Variants in RPGR observed in about 807,000 individuals in gnomAD.
RPGR encodes retinitis pigmentosa GTPase regulator.
A neutral mutation model predicts 56.3 loss-of-function variants in RPGR; 10 were observed. That is an observed-to-expected ratio of 0.18 (90% CI 0.11 to 0.30). The LOEUF (loss-of-function observed/expected upper bound fraction) is 0.30, where lower values mean the gene tolerates loss of function less well. Ranked by LOEUF, RPGR falls within the 10% of genes least tolerant of loss-of-function variation. RPGR has a pLI of 1.00. For missense variants in RPGR, 538 were observed against 590.9 expected (o/e 0.91, Z 0.93); for synonymous variants, 197 against 212.9 (o/e 0.93, Z 0.65).
At chrX:38,327,217 C>T (rs2068065502) in intron 1 of RPGR, 123 bp downstream of exon 1, 3 of 705,471 alleles carry the variant, frequency 4.3e-6, no homozygotes, top group South Asian at 2.8e-5. Flanking sequence ...AACCAGCGAT[C>T]CCGCCCCAGT....
chrX:38,279,020 G>A, intron 15 of RPGR: 1 of 247,695 alleles, frequency 4.0e-6, no homozygotes, highest in Non-Finnish European at 7.5e-6. Flanking sequence ...AAGAACTTTT[G>A]GAACTATATC....
At chrX:38,326,472 G>A (rs1162551080) in intron 1 of RPGR, among the ~76,000 whole-genome samples, 2 of 111,841 alleles carry the variant, frequency 1.8e-5, no homozygotes, top group Non-Finnish European at 3.8e-5. Context: ...TGGAATCTAA[G>A]TGGATAGAAC....
At chrX:38,280,256 T>G (rs1351928200) in intron 15 of RPGR, among the ~76,000 whole-genome samples, 1 of 112,028 alleles carries the variant, frequency 8.9e-6, no homozygotes, top group Non-Finnish European at 1.9e-5. Context: ...TAAGATAGAA[T>G]TCTTAGTGTG....
Position 38,291,423 on chromosome X carries a change from G to C in RPGR, c.1476C>G (p.Ser492Arg). Residue 492 changes from serine (S) to arginine (R), a missense_variant, in exon 12 of 19, where the codon AGC (serine) becomes AGG (arginine). Ser to Arg is a moderately radical substitution (Grantham distance 110, BLOSUM62 -1). Coordinates refer to ENST00000642395, the MANE Select transcript of RPGR (RefSeq NM_000328.3). ...TTAAGATATCAGTAGTTTCTCCAAG[G>C]CTTTCTACAGTTGAAGAATTATCTA... is the stretch of plus-strand genomic sequence containing the variant. The C allele has an allele frequency of 2.6e-6, 3 of 1,162,834 alleles. No individual in the cohort carries two copies. Among genetic ancestry groups the C allele is most frequent in the Non-Finnish European group, 3.5e-6 (3 of 853,339 alleles).
At chrX:38,314,006 T>C (rs961273435) in intron 6 of RPGR, among the ~76,000 whole-genome samples, 2 of 111,568 alleles carry the variant, frequency 1.8e-5, no homozygotes, top group African/African-American at 3.3e-5. Context: ...ACTGGAAGAA[T>C]TGTCTTTGGT....
In RPGR at chrX:38,275,153, A is replaced by T. The variant is rs1303946668; in HGVS notation, c.2092-7T>A. The T allele has an allele frequency of 8.3e-7, 1 of 1,200,860 alleles. No individual in the cohort carries two copies. The highest frequency in any genetic ancestry group is 1.1e-6 in the Non-Finnish European group (1 of 885,886). ...CTAGGTTGGCTTTTTCTTTCTATAA[A>T]CAATAACAAAGCAATATAACAAAAA... On this transcript the variant is annotated splice_region_variant and splice_polypyrimidine_tract_variant and intron_variant, in intron 16 of 18. Coordinates refer to ENST00000642395, the MANE Select transcript of RPGR (RefSeq NM_000328.3).
At chrX:38,302,833 TGG>T (rs1359546618) in intron 8 of RPGR, among the ~76,000 whole-genome samples, 2 of 96,824 alleles carry the variant, frequency 2.1e-5, no homozygotes, top group African/African-American at 7.9e-5. Flanking sequence ...TTTTTTGAGA[TGG>T]GGTCTCGCTC....
intron 1 of RPGR, among the ~76,000 whole-genome samples, chrX:38,324,551 C>A (rs2147294548): frequency 9.2e-6 from 1 of 109,143 alleles, no homozygotes; most frequent in South Asian, 4.1e-4. Flanking sequence ...GCTTTAAAGG[C>A]AATTAGGTAT....
intron 17 of RPGR, chrX:38,273,618 C>T: frequency 2.4e-6 from 1 of 424,551 alleles, no homozygotes; most frequent in East Asian, 3.9e-5. Context: ...ACAACATCTA[C>T]ACTGCATATT....
intron 9 of RPGR, among the ~76,000 whole-genome samples, chrX:38,299,750 C>A (rs1290554910): frequency 1.9e-5 from 2 of 105,943 alleles, no homozygotes; most frequent in South Asian, 4.1e-4. Flanking sequence ...AAAAAAAAAA[C>A]CCATAGTGCA....
Position 38,319,016 on chromosome X carries a change from A to C in RPGR, c.311-29T>G, listed in dbSNP as rs759475583. The C allele has an allele frequency of 2.5e-6, 3 of 1,199,230 alleles. No homozygotes were observed. The African/African-American group carries it at 5.2e-5, about 21-fold the overall frequency. On this transcript the variant is annotated intron_variant, in intron 4 of 18. Coordinates refer to ENST00000642395, the MANE Select transcript of RPGR (RefSeq NM_000328.3). ...CACATGGAAAAGAAAACGTCAATAG[A>C]CTATAGAGTCCCCCTTTTTATGAGA...
rs2066786079 is a variant in RPGR, at chrX:38,269,287, G to A, written c.*339C>T. The A allele has an allele frequency of 7.3e-6, 1 of 136,326 alleles. No homozygotes were observed. The highest frequency in any genetic ancestry group is 3.2e-5 in the African/African-American group (1 of 31,246). The allele number at this position is 136,326 out of a possible 1,213,427, so 11.2% of individuals were successfully genotyped here. Reference sequence around the variant, plus strand: ...ACAGTGTCGTAAGATTGCAAATATTGCCTTATAAAATTATAAAGAAGTAAA... The same window carrying A: ...ACAGTGTCGTAAGATTGCAAATATTACCTTATAAAATTATAAAGAAGTAAA... On this transcript the variant is annotated 3_prime_UTR_variant, in exon 19 of 19. Coordinates refer to ENST00000642395, the MANE Select transcript of RPGR (RefSeq NM_000328.3).
At position 38,283,210 on chromosome X, in the gene RPGR, A is replaced by G. The variant is rs558831880; in HGVS notation, c.1905+3884T>C. 1.2e-3 allele frequency among the ~76,000 whole-genome samples: 131 copies of G among 111,668 alleles called. 2 individuals carry two copies. The South Asian group carries it at 0.048, about 41-fold the overall frequency. ...TTTTTGAGGGTACTAGACCTGCCAC[A>G]TGTGATTAAATAAATGTTCGCCCAA... On this transcript the variant is annotated intron_variant, in intron 15 of 18. Coordinates refer to ENST00000642395, the MANE Select transcript of RPGR (RefSeq NM_000328.3).
At chrX:38,277,578 C>T (rs1416957147) in intron 15 of RPGR, among the ~76,000 whole-genome samples, 3 of 110,969 alleles carry the variant, frequency 2.7e-5, no homozygotes, top group Non-Finnish European at 5.7e-5. Context: ...ACACACTTCA[C>T]TAAAGTTATA....
intron 9 of RPGR, among the ~76,000 whole-genome samples, 193 bp downstream of exon 9, chrX:38,301,054 A>T (rs1339399197): frequency 8.9e-6 from 1 of 111,876 alleles, no homozygotes; most frequent in Non-Finnish European, 1.9e-5. Flanking sequence ...AGGCTAAAGG[A>T]GGAAAATTAG....
intron 6 of RPGR, among the ~76,000 whole-genome samples, chrX:38,315,378 C>G (rs1392213205): frequency 9.0e-6 from 1 of 111,492 alleles, no homozygotes; most frequent in Non-Finnish European, 1.9e-5. Context: ...GAGTACTATT[C>G]AGCCATGAAA....
At chrX:38,306,485 GT>G (rs748347697) in intron 7 of RPGR, among the ~76,000 whole-genome samples, 2 of 112,210 alleles carry the variant, frequency 1.8e-5, no homozygotes, top group African/African-American at 6.5e-5. Context: ...TAATAAAAAT[GT>G]TTGCTTCATA....
At chrX:38,279,693 T>C (rs1328976627) in intron 15 of RPGR, among the ~76,000 whole-genome samples, 2 of 110,564 alleles carry the variant, frequency 1.8e-5, no homozygotes, top group Non-Finnish European at 3.8e-5. Flanking sequence ...GAGGGACACA[T>C]GTATGAGATA....
intron 9 of RPGR, among the ~76,000 whole-genome samples, chrX:38,299,692 T>A (rs142417166): frequency 1.8e-5 from 2 of 109,166 alleles, no homozygotes; most frequent in African/African-American, 6.6e-5. Context: ...AAAAATGAAA[T>A]CAGCATTCAA....
Sources: allele counts gnomAD v4.1 joint callset (sites outside exome capture counted in the v4.1 genomes callset), GRCh38; gene constraint gnomAD v4.1.1; transcripts MANE v1.5; gene names NCBI Gene and HGNC (gene_info 2026-07-23, HGNC 2026-07-21).